Variants in CASK observed in about 807,000 individuals in gnomAD.
The protein encoded by CASK is calcium/calmodulin dependent serine protein kinase.
Under a neutral mutation model 82.9 loss-of-function variants are expected in CASK, and 4 were observed. The ratio of observed to expected loss-of-function variants is 0.05; its 90% CI spans 0.02 to 0.11. CASK has a LOEUF of 0.11. Ranked by LOEUF, CASK falls within the 10% of genes least tolerant of loss-of-function variation. The pLI, the probability that CASK is intolerant of heterozygous loss-of-function variation, is 1.00. For missense variants in CASK, 358 were observed against 720.9 expected (o/e 0.50, Z 5.76); for synonymous variants, 259 against 253.5 (o/e 1.02, Z -0.20).
At chrX:41,869,812 C>CAAAA (rs72190097) in intron 1 of CASK, among the ~76,000 whole-genome samples, 12 of 12,114 alleles carry the variant, frequency 9.9e-4, no homozygotes, top group Admixed American at 4.9e-3. Context: ...GACTCTGTCT[C>CAAAA]AAAAAAAAAA....
intron 1 of CASK, among the ~76,000 whole-genome samples, chrX:41,909,576 A>C (rs2072525481): frequency 9.0e-6 from 1 of 111,634 alleles, no homozygotes; most frequent in African/African-American, 3.2e-5. Flanking sequence ...GATTCTTACA[A>C]AATCAAAGAA....
chrX:41,905,774 A>G (rs1218482903), intron 1 of CASK, among the ~76,000 whole-genome samples: 1 of 112,724 alleles, frequency 8.9e-6, no homozygotes, highest in Admixed American at 9.4e-5. Context: ...CATACTCACT[A>G]TCTTATTTAA....
At chrX:41,680,875 A>T (rs1180505403) in intron 5 of CASK, among the ~76,000 whole-genome samples, 1 of 110,964 alleles carries the variant, frequency 9.0e-6, no homozygotes, top group Non-Finnish European at 1.9e-5. Context: ...AGATCATGCC[A>T]TTGCACTCCA....
chrX:41,804,526 A>C (rs2070070715), intron 2 of CASK, among the ~76,000 whole-genome samples: 1 of 111,814 alleles, frequency 8.9e-6, no homozygotes. Flanking sequence ...AGAGCAAAAA[A>C]ACCTTAAAGC....
In CASK at chrX:41,696,225, G is replaced by A. The variant is rs1297575396; in HGVS notation, c.430-24695C>T. ...GATTATTTTAACACTTAAGAAAGGA[G>A]GGCATAATTCCACAATGTGTTTCCA... On this transcript the variant is annotated intron_variant, in intron 5 of 26. Transcript: ENST00000378163. 4.1e-6 allele frequency: 5 copies of A among 1,207,199 alleles called. No individual in the cohort carries two copies. The highest frequency in any genetic ancestry group is 5.6e-6 in the Non-Finnish European group (5 of 892,200).
chrX:41,911,403 C>T (rs1235004910), intron 1 of CASK, among the ~76,000 whole-genome samples: 1 of 112,371 alleles, frequency 8.9e-6, no homozygotes, highest in Non-Finnish European at 1.9e-5. Context: ...TCAATTTCAA[C>T]ATGATCATTC....
At chrX:41,861,266 G>C (rs930861573) in intron 1 of CASK, among the ~76,000 whole-genome samples, 5 of 111,238 alleles carry the variant, frequency 4.5e-5, no homozygotes, top group Non-Finnish European at 9.4e-5. Context: ...GTGTGCGTGT[G>C]CATGCGTGTG....
rs755282427 is a variant in CASK at position 41,817,983 on chromosome X, T to C, written c.173-30700A>G. ...AATTATTCTACATATAGGCCATACTTACTTTGCACAGTGCTAGTACTGTGT... is the reference window on the plus strand; with the variant it reads ...AATTATTCTACATATAGGCCATACTCACTTTGCACAGTGCTAGTACTGTGT... On this transcript the variant is annotated intron_variant, in intron 2 of 26. Coordinates refer to ENST00000378163, the MANE Select transcript of CASK (RefSeq NM_001367721.1). Among the ~76,000 whole-genome samples the C allele has an allele frequency of 1.5e-3, 170 of 111,302 alleles. 1 individual carries two copies. Among genetic ancestry groups the C allele is most frequent in the African/African-American group, 5.3e-3 (162 of 30,637 alleles).
intron 5 of CASK, chrX:41,696,339 C>G: frequency 8.6e-7 from 1 of 1,166,423 alleles, no homozygotes. Flanking sequence ...ACTAATAATC[C>G]TTTCATATAT....
At chrX:41,648,092 G>C (rs527996491) in intron 8 of CASK, among the ~76,000 whole-genome samples, 1 of 111,771 alleles carries the variant, frequency 8.9e-6, no homozygotes, top group Non-Finnish European at 1.9e-5. Context: ...GAGAAATATC[G>C]CTGAATTCTT....
chrX:41,616,901 G>A (rs1429975809), intron 11 of CASK, among the ~76,000 whole-genome samples: 2 of 112,390 alleles, frequency 1.8e-5, no homozygotes, highest in African/African-American at 3.2e-5. Flanking sequence ...GAGCCACAGC[G>A]CCTGGCCCCA....
intron 2 of CASK, among the ~76,000 whole-genome samples, chrX:41,815,368 C>T (rs752428317): frequency 3.6e-5 from 4 of 110,952 alleles, no homozygotes; most frequent in Non-Finnish European, 7.6e-5. Context: ...AAAAACTAGT[C>T]AATACAAATA....
chrX:41,678,919 C>G (rs1472175440), intron 5 of CASK, among the ~76,000 whole-genome samples: 1 of 105,757 alleles, frequency 9.5e-6, no homozygotes, highest in Non-Finnish European at 1.9e-5. Flanking sequence ...TATGCCTCTA[C>G]TTAAAAAAAA....
At chrX:41,698,159 T>C (rs1197590122) in intron 5 of CASK, 2 of 111,915 alleles carry the variant, frequency 1.8e-5, no homozygotes, top group Admixed American at 9.5e-5. Context: ...ACAAAACATG[T>C]ATGATAATAT....
intron 8 of CASK, among the ~76,000 whole-genome samples, chrX:41,648,535 C>A (rs757352333): frequency 9.0e-6 from 1 of 111,006 alleles, no homozygotes; most frequent in South Asian, 3.8e-4. Context: ...TTTTGTGGCT[C>A]GAAAGGCATC....
At chrX:41,642,713 C>T (rs1201211375) in intron 8 of CASK, among the ~76,000 whole-genome samples, 9 of 111,681 alleles carry the variant, frequency 8.1e-5, no homozygotes, top group African/African-American at 1.6e-4. Context: ...TTCACTCTGA[C>T]AGTAGTTTAT....
At chrX:41,788,342 C>T (rs1468276366) in intron 2 of CASK, among the ~76,000 whole-genome samples, 1 of 110,593 alleles carries the variant, frequency 9.0e-6, no homozygotes, top group Non-Finnish European at 1.9e-5. Flanking sequence ...GCATGGAAAT[C>T]GCTTGCCATG....
rs17276372 is a variant in CASK at position 41,701,772 on chromosome X, G to A, written c.430-30242C>T. On this transcript the variant is annotated intron_variant, in intron 5 of 26. Coordinates refer to ENST00000378163, the MANE Select transcript of CASK (RefSeq NM_001367721.1). ...CCCCACTTCAAGTTCACATGCAAGG[G>A]AATGGGAAGCAAAGTAACATTTGTT... Among the ~76,000 whole-genome samples the A allele has an allele frequency of 8.6e-3, 965 of 112,222 alleles. 18 individuals are homozygous for A. The highest frequency in any genetic ancestry group is 0.062 in the Admixed American group (656 of 10,571).
intron 2 of CASK, among the ~76,000 whole-genome samples, chrX:41,818,145 CTGTGTGTGTGTG>C (rs59931187): frequency 6.2e-4 from 53 of 85,420 alleles, no homozygotes; most frequent in Middle Eastern, 5.8e-3. Flanking sequence ...AGGAGGCCTT[CTGTGTGTGTGTG>C]TGTGTGTGTG....
Sources: allele counts gnomAD v4.1 joint callset (sites outside exome capture counted in the v4.1 genomes callset), GRCh38; gene constraint gnomAD v4.1.1; transcripts MANE v1.5; gene names NCBI Gene and HGNC (gene_info 2026-07-23, HGNC 2026-07-21).